Variants in IL11RA observed in about 807,000 individuals in gnomAD.
IL11RA encodes the protein interleukin 11 receptor subunit alpha, also known as interleukin-11 receptor subunit alpha.
In IL11RA, 51 loss-of-function variants were observed where a neutral mutation model predicts 57.0. The observed-to-expected ratio is 0.89, with a 90% CI of 0.71 to 1.13. The LOEUF (loss-of-function observed/expected upper bound fraction) is 1.13, where lower values mean the gene tolerates loss of function less well. Among genes scored for constraint, IL11RA ranks in the 50% most tolerant of loss-of-function variants. The pLI is 0.00. For missense variants in IL11RA, 498 were observed against 539.4 expected (o/e 0.92, Z 0.76); for synonymous variants, 199 against 217.5 (o/e 0.91, Z 0.75).
In IL11RA at chr9:34,660,262, G is replaced by C; in HGVS notation, c.953-12G>C. ...AGCGTATGGACACTTATTGGGTCTT[G>C]CCTTCCTTTAGGGACCATACCAAAG... On this transcript the variant is annotated splice_polypyrimidine_tract_variant and intron_variant, in intron 9 of 12. Transcript: ENST00000441545. 1 of 1,614,196 alleles carries C rather than the reference G, an allele frequency of 6.2e-7. No individual in the cohort carries two copies. The highest frequency in any genetic ancestry group is 2.2e-5 in the East Asian group (1 of 44,880).
At position 34,658,817 on chromosome 9, in the gene IL11RA, T is replaced by TA. The variant is rs1331002901; in HGVS notation, c.810+135dup. On this transcript the variant is annotated intron_variant, in intron 8 of 12. Coordinates refer to ENST00000441545, the MANE Select transcript of IL11RA (RefSeq NM_001142784.3). The surrounding 1 kb of genome is among the most constrained non-coding windows in gnomAD (Gnocchi z 4.0). ...ACACTTCCCTGTGGGCCAGGCTTTG[T>TA]ACTGGGTGCTGGGTTGCAGTGGTGA... The TA allele has an allele frequency of 1.0e-6, 1 of 982,706 alleles. No individual in the cohort carries two copies. The highest frequency in any genetic ancestry group is 2.6e-5 in the East Asian group (1 of 38,874). 60.9% of individuals were successfully genotyped at this position (982,706 alleles called of 1,614,324 possible).
intron 9 of IL11RA, 71 bp from the exon 10 acceptor site, chr9:34,660,203 G>A: frequency 1.2e-6 from 2 of 1,612,080 alleles, no homozygotes; most frequent in East Asian, 2.2e-5. Context: ...CTAGGCCTTG[G>A]CCTTGAGCAC....
At chr9:34,655,809 A>G in intron 3 of IL11RA, 144 bp downstream of exon 3, 2 of 752,342 alleles carry the variant, frequency 2.7e-6, no homozygotes, top group South Asian at 3.0e-5. Flanking sequence ...AACTATCCTT[A>G]TTCAACAGAA....
At chr9:34,655,478 A>G in intron 2 of IL11RA, 127 bp from the exon 3 acceptor site, 1 of 915,880 alleles carries the variant, frequency 1.1e-6, no homozygotes, top group Non-Finnish European at 1.8e-6. Context: ...TCCAGATTAT[A>G]ACATGATGCT....
chr9:34,660,893 G>C lies in IL11RA; in HGVS notation c.1209G>C (p.Lys403Asn). The C allele has an allele frequency of 6.2e-7, 1 of 1,614,202 alleles. No homozygotes were observed. Among genetic ancestry groups the C allele is most frequent in the Non-Finnish European group, 8.5e-7 (1 of 1,180,020 alleles). The change falls in exon 12 of 13, where the codon AAG becomes AAC. Residue 403 changes from lysine to asparagine, a missense_variant. By Grantham distance (94) the Lys-to-Asn change is moderately conservative (BLOSUM62 0). Transcript: ENST00000441545. ...GGGGTGGGAAGGATGGATCCCCAAAGCCTGGGTTCTTGGCCTCAGTGATTC... is the reference window on the plus strand; with the variant it reads ...GGGGTGGGAAGGATGGATCCCCAAACCCTGGGTTCTTGGCCTCAGTGATTC... ...LRRGGKDGSP[K>N]PGFLASVIPV...
chr9:34,656,126 G>T (rs2132354521), intron 3 of IL11RA, among the ~76,000 whole-genome samples: 1 of 151,960 alleles, frequency 6.6e-6, no homozygotes. Context: ...CTGCCTCCTG[G>T]GTTCAAGCAA....
At position 34,657,573 on chromosome 9, in the gene IL11RA, G is replaced by T; in HGVS notation, c.632G>T (p.Ser211Ile). 6.2e-7 allele frequency: 1 copy of T among 1,614,124 alleles called. No individual in the cohort carries two copies. Among genetic ancestry groups the T allele is most frequent in the Non-Finnish European group, 8.5e-7 (1 of 1,179,998 alleles). The change falls in exon 7 of 13, where the codon AGC (serine) becomes ATC (isoleucine). Residue 211 changes from serine to isoleucine, a missense_variant. Transcript: ENST00000441545. ...LGASTRLLDVSLQSILRPDPP... is the reference protein window; with the variant it reads ...LGASTRLLDVILQSILRPDPP... ...GCCAGCACACGCCTGCTGGATGTGAGCTTGCAGAGCATCTGTGAGTACCCA... is the reference window on the plus strand; with the variant it reads ...GCCAGCACACGCCTGCTGGATGTGATCTTGCAGAGCATCTGTGAGTACCCA...
Position 34,660,528 on chromosome 9 carries a change from T to G in IL11RA, c.1097T>G (p.Val366Gly). Residue 366 changes from valine (V) to glycine (G), a missense_variant, in exon 11 of 13, where the codon GTA becomes GGA. Physicochemically the swap from Val to Gly is moderately radical, Grantham distance 109 (BLOSUM62 -3). Coordinates refer to ENST00000441545, the MANE Select transcript of IL11RA (RefSeq NM_001142784.3). ...LLDHRDSVEQ[V>G]AVLASLGILS... ...GATCACAGGGACTCTGTGGAGCAGG[T>G]AGCTGTGCTGGCGTCTTTGGGAATC... The G allele has an allele frequency of 6.2e-7, 1 of 1,614,172 alleles. No individual in the cohort carries two copies. The highest frequency in any genetic ancestry group is 8.5e-7 in the Non-Finnish European group (1 of 1,179,984).
At chr9:34,655,724 GTCCT>G in intron 3 of IL11RA, 59 bp downstream of exon 3, 2 of 1,453,022 alleles carry the variant, frequency 1.4e-6, no homozygotes, top group Non-Finnish European at 1.9e-6. Context: ...ACTCTGCCTA[GTCCT>G]CATGTCCCGC....
In IL11RA at chr9:34,661,650, C is replaced by A; in HGVS notation, c.*152C>A. ...TGTGAGACCCTGTATTTCAAATTTG[C>A]AGCTGAAAGGTGCTTGTACCTCTGA... On this transcript the variant is annotated 3_prime_UTR_variant, in exon 13 of 13. Transcript: ENST00000441545. 1.1e-6 allele frequency: 1 copy of A among 897,200 alleles called. No individual in the cohort carries two copies. Among genetic ancestry groups the A allele is most frequent in the Non-Finnish European group, 1.8e-6 (1 of 549,536 alleles). 55.6% of individuals were successfully genotyped at this position (897,200 alleles called of 1,614,324 possible). A position where few individuals can be genotyped will look rare whatever the true frequency, so the allele number is the denominator to read the frequency against.
chr9:34,655,267 C>T lies in IL11RA; in HGVS notation c.50C>T (p.Thr17Ile), dbSNP rs1329859342. Residue 17 changes from threonine (T) to isoleucine (I), a missense_variant, in exon 2 of 13, where the codon ACA becomes ATA. By Grantham distance (89) the Thr-to-Ile change is moderately conservative. Coordinates refer to ENST00000441545, the MANE Select transcript of IL11RA (RefSeq NM_001142784.3). Reference protein sequence around the residue: ...GLSRVLVAVATALVSASSPCP... With the variant: ...GLSRVLVAVAIALVSASSPCP... ...AGCAGGGTCCTGGTGGCCGTGGCTACAGCCCTGGTGTCTGCCTCCTCCCCC... is the reference window on the plus strand; with the variant it reads ...AGCAGGGTCCTGGTGGCCGTGGCTATAGCCCTGGTGTCTGCCTCCTCCCCC... The T allele has an allele frequency of 1.2e-6, 2 of 1,612,070 alleles. No individual in the cohort carries two copies. Among genetic ancestry groups the T allele is most frequent in the Admixed American group, 1.7e-5 (1 of 59,852 alleles).
chr9:34,654,182 C>T (rs927146644), intron 1 of IL11RA, among the ~76,000 whole-genome samples: 12 of 152,186 alleles, frequency 7.9e-5, no homozygotes, highest in Non-Finnish European at 1.6e-4. Flanking sequence ...CCCCTTCGTT[C>T]TCCATCCACT....
chr9:34,660,281 A>G lies in IL11RA; in HGVS notation c.960A>G (p.Ile320Met), dbSNP rs533095520. 115 of 1,614,142 alleles carry G rather than the reference A, an allele frequency of 7.1e-5. 1 individual carries two copies. In the South Asian group the frequency reaches 1.2e-3, roughly 17 times the overall value. Residue 320 changes from isoleucine to methionine, a missense_variant, in exon 10 of 13, where the codon ATA becomes ATG. By Grantham distance (10) the Ile-to-Met change is conservative. Coordinates refer to ENST00000441545, the MANE Select transcript of IL11RA (RefSeq NM_001142784.3). ...EAWGTPSTGT[I>M]PKEIPAWGQL... ...GGTCTTGCCTTCCTTTAGGGACCATACCAAAGGAGATACCAGCATGGGGCC... is the reference window on the plus strand; with the variant it reads ...GGTCTTGCCTTCCTTTAGGGACCATGCCAAAGGAGATACCAGCATGGGGCC...
chr9:34,660,773 T>C, intron 11 of IL11RA, 81 bp from the exon 12 acceptor site: 1 of 1,342,010 alleles, frequency 7.5e-7, no homozygotes, highest in Non-Finnish European at 1.1e-6. Context: ...ATTCCTCTCC[T>C]GACCCTTTAC....
rs562848090 is a variant in IL11RA, at chr9:34,658,335, C to T, written c.647-185C>T. Among the ~76,000 whole-genome samples the T allele has an allele frequency of 9.8e-5, 15 of 152,350 alleles. No individual in the cohort carries two copies. The highest frequency in any genetic ancestry group is 2.0e-4 in the Admixed American group (3 of 15,300). ...GAGATTACAGGCATGAGCCACCACA[C>T]GCGGCCTCAGCCCATTTCATAATAC... On this transcript the variant is annotated intron_variant, in intron 7 of 12. Coordinates refer to ENST00000441545, the MANE Select transcript of IL11RA (RefSeq NM_001142784.3). The surrounding 1 kb of genome is among the most constrained non-coding windows in gnomAD (Gnocchi z 4.0).
At chr9:34,655,352 T>G in intron 2 of IL11RA, 35 bp downstream of exon 2, 1 of 1,242,152 alleles carries the variant, frequency 8.1e-7, no homozygotes, top group Non-Finnish European at 1.2e-6. Context: ...CTCCCAACTC[T>G]GACTTGTGAC....
Position 34,658,479 on chromosome 9 carries a change from G to C in IL11RA, c.647-41G>C. On this transcript the variant is annotated intron_variant, in intron 7 of 12. Coordinates refer to ENST00000441545, the MANE Select transcript of IL11RA (RefSeq NM_001142784.3). This position sits in a 1 kb window ranked among gnomAD's most constrained non-coding sequence, Gnocchi z 4.0. ...TGGGAAGTGGTGGGGAAGTGATGGAGACCCATAGCCTACCCTGACTTTGTG... is the reference window on the plus strand; with the variant it reads ...TGGGAAGTGGTGGGGAAGTGATGGACACCCATAGCCTACCCTGACTTTGTG... 6.2e-7 allele frequency: 1 copy of C among 1,607,532 alleles called. No individual in the cohort carries two copies.
intron 1 of IL11RA, among the ~76,000 whole-genome samples, chr9:34,652,639 G>C (rs1587243417): frequency 6.6e-6 from 1 of 152,248 alleles, no homozygotes; most frequent in Middle Eastern, 3.4e-3. Flanking sequence ...GTGCCAATGT[G>C]TGACTTCAGC....
chr9:34,658,447 C>A lies in IL11RA; in HGVS notation c.647-73C>A. 1 of 1,489,204 alleles carries A rather than the reference C, an allele frequency of 6.7e-7. No homozygotes were observed. Among genetic ancestry groups the A allele is most frequent in the Non-Finnish European group, 9.4e-7 (1 of 1,066,058 alleles). 92.2% of individuals were successfully genotyped at this position (1,489,204 alleles called of 1,614,324 possible). A position where few individuals can be genotyped will look rare whatever the true frequency, so the allele number is the denominator to read the frequency against. On this transcript the variant is annotated intron_variant, in intron 7 of 12. Coordinates refer to ENST00000441545, the MANE Select transcript of IL11RA (RefSeq NM_001142784.3). This position sits in a 1 kb window ranked among gnomAD's most constrained non-coding sequence, Gnocchi z 4.0. ...TGTCTGGCTAAGGCTCCTTTAAACA[C>A]ACACTTTGGGAAGTGGTGGGGAAGT...
Sources: gnomAD v4.1 joint callset for allele counts (sites outside exome capture counted in the v4.1 genomes callset) on GRCh38, gnomAD v4.1.1 for gene constraint, Gnocchi (gnomAD v3.1) non-coding constraint, MANE v1.5 for transcripts, NCBI Gene and HGNC (gene_info 2026-07-23, HGNC 2026-07-21) for gene names.